Variants in WFS1 observed in about 807,000 individuals in gnomAD.
The protein encoded by WFS1 is wolframin ER transmembrane glycoprotein, also known as wolframin.
Under a neutral mutation model 68.5 loss-of-function variants are expected in WFS1, and 90 were observed. That is an observed-to-expected ratio of 1.31 (90% confidence interval 1.11 to 1.56). The LOEUF (loss-of-function observed/expected upper bound fraction) is 1.56, where lower values mean the gene tolerates loss of function less well. Ranked by LOEUF, WFS1 falls within the 40% of genes most tolerant of loss-of-function variation. The probability of loss-of-function intolerance (pLI) is 0.00; values close to 1 mark genes in which losing one functional copy is unlikely to be tolerated. For missense variants in WFS1, 1,767 were observed against 1,232.6 expected, an observed-to-expected ratio of 1.43 and a Z score of -6.49; for synonymous variants, 860 against 540.7, an observed-to-expected ratio of 1.59 and a Z score of -8.19.
chr4:6,285,366 A>G (rs998010795), intron 2 of WFS1, among the ~76,000 whole-genome samples: 1 of 144,532 alleles, frequency 6.9e-6, no homozygotes, highest in African/African-American at 2.6e-5. Context: ...GGAAAGCAGC[A>G]TCAAGGGAGA....
At chr4:6,275,070 G>C (rs1050378974) in intron 1 of WFS1, among the ~76,000 whole-genome samples, 1 of 152,156 alleles carries the variant, frequency 6.6e-6, no homozygotes. Context: ...GTCCATGCGA[G>C]GAACTCACGA....
chr4:6,287,226 C>T lies in WFS1; in HGVS notation c.315+51C>T. On this transcript the variant is annotated intron_variant, in intron 3 of 7. Transcript: ENST00000226760. The surrounding 1 kb of genome is among the most constrained non-coding windows in gnomAD (Gnocchi z 6.4). ...CTTCGGGACGCGGCCCCCGGCACAA[C>T]AGGCCTGGCCACGAGCTCCACAGCC... 6.8e-7 allele frequency: 1 copy of T among 1,479,574 alleles called. No individual in the cohort carries two copies. The highest frequency in any genetic ancestry group is 1.2e-5 in the South Asian group (1 of 82,600). The allele number at this position is 1,479,574 out of a possible 1,614,324, so 91.7% of individuals were successfully genotyped here.
At chr4:6,281,682 C>G (rs1239581508) in intron 2 of WFS1, among the ~76,000 whole-genome samples, 1 of 152,104 alleles carries the variant, frequency 6.6e-6, no homozygotes, top group African/African-American at 2.4e-5. Flanking sequence ...GACTGGGGCT[C>G]TGATGCAGAT....
intron 2 of WFS1, among the ~76,000 whole-genome samples, 179 bp from the exon 3 acceptor site, chr4:6,286,914 A>C (rs1730326289): frequency 6.6e-6 from 1 of 152,186 alleles, no homozygotes; most frequent in Admixed American, 6.5e-5. Context: ...ACCGGAAGGC[A>C]AACAGTGGCT....
chr4:6,293,590 G>A lies in WFS1; in HGVS notation c.713-1451G>A, dbSNP rs572291940. Among the ~76,000 whole-genome samples the A allele has an allele frequency of 2.0e-5, 3 of 152,306 alleles. No individual in the cohort carries two copies. The South Asian group carries it at 6.2e-4, about 32-fold the overall frequency. On this transcript the variant is annotated intron_variant, in intron 6 of 7. Coordinates refer to ENST00000226760, the MANE Select transcript of WFS1 (RefSeq NM_006005.3). Reference sequence around the variant, plus strand: ...TTGATCTGTCAGCAGCGTGGGCAGAGATGACTGCTCTTCTCCTTAGAGCCC... The same window carrying A: ...TTGATCTGTCAGCAGCGTGGGCAGAAATGACTGCTCTTCTCCTTAGAGCCC...
At chr4:6,290,451 G>A (rs948465396) in intron 4 of WFS1, among the ~76,000 whole-genome samples, 3 of 152,260 alleles carry the variant, frequency 2.0e-5, no homozygotes, top group Non-Finnish European at 4.4e-5. Flanking sequence ...GGCTGCTGGG[G>A]CAGAGCGTGC....
In WFS1 at chr4:6,302,399, C is replaced by A; in HGVS notation, c.2604C>A (p.Arg868=). ...ACGTGAAGATCGAGCACGACTGGCGCAGCACCGTGCATGGCGCCGTGAAGT... is the reference window on the plus strand; with the variant it reads ...ACGTGAAGATCGAGCACGACTGGCGAAGCACCGTGCATGGCGCCGTGAAGT... ...RRHVKIEHDW[R]STVHGAVKFA... The change falls in exon 8 of 8, where the codon CGC becomes CGA. Residue 868 remains arginine (R), a synonymous_variant. Transcript: ENST00000226760. 6.2e-7 allele frequency: 1 copy of A among 1,613,212 alleles called. No individual in the cohort carries two copies. Among genetic ancestry groups the A allele is most frequent in the Non-Finnish European group, 8.5e-7 (1 of 1,180,038 alleles).
In WFS1 at chr4:6,302,606, G is replaced by GCAA; in HGVS notation, c.*138_*139insCAA. The GCAA allele has an allele frequency of 7.7e-7, 1 of 1,295,198 alleles. No individual in the cohort carries two copies. Among genetic ancestry groups the GCAA allele is most frequent in the Non-Finnish European group, 1.1e-6 (1 of 943,404 alleles). 80.2% of individuals were successfully genotyped at this position (1,295,198 alleles called of 1,614,324 possible). On this transcript the variant is annotated 3_prime_UTR_variant, in exon 8 of 8. Coordinates refer to ENST00000226760, the MANE Select transcript of WFS1 (RefSeq NM_006005.3). ...GTGGCTGCAGAGACCTTGCGACCAT[G>GCAA]TGTAGATTGCGTGGACCCCGACAAA...
At position 6,277,515 on chromosome 4, in the gene WFS1, G is replaced by A; in HGVS notation, c.60G>A (p.Gln20=). ...GCCCACAGCCCCCGCCAGCACCGCA[G>A]CCCCAGGCGCGTTCCCGACTCAATG... The part of the protein sequence containing the change: ...PSCPQPPPAP[Q]PQARSRLNAT... The change falls in exon 2 of 8, where the codon CAG becomes CAA. Residue 20 remains glutamine, a synonymous_variant. Transcript: ENST00000226760. The A allele has an allele frequency of 6.3e-7, 1 of 1,582,872 alleles. No homozygotes were observed. The highest frequency in any genetic ancestry group is 8.6e-7 in the Non-Finnish European group (1 of 1,165,254).
At chr4:6,289,604 CT>C (rs1486511782) in intron 4 of WFS1, among the ~76,000 whole-genome samples, 2 of 152,166 alleles carry the variant, frequency 1.3e-5, no homozygotes, top group Non-Finnish European at 2.9e-5. Context: ...CAGGCTGACC[CT>C]TCATAGATAA....
chr4:6,284,419 G>T (rs1258051342), intron 2 of WFS1, among the ~76,000 whole-genome samples: 2 of 152,186 alleles, frequency 1.3e-5, no homozygotes, highest in East Asian at 3.8e-4. Context: ...ATATCGGGGA[G>T]ATGTCTTGAA....
At position 6,302,162 on chromosome 4, in the gene WFS1, C is replaced by T; in HGVS notation, c.2367C>T (p.Gly789=). 1 of 1,612,768 alleles carries T rather than the reference C, an allele frequency of 6.2e-7. No homozygotes were observed. The highest frequency in any genetic ancestry group is 8.5e-7 in the Non-Finnish European group (1 of 1,179,982). The change falls in exon 8 of 8, where the codon GGC becomes GGT. Residue 789 remains glycine, a synonymous_variant. Coordinates refer to ENST00000226760, the MANE Select transcript of WFS1 (RefSeq NM_006005.3). ...TGCCATTCAGCAGCGGCGCTGACGG[C>T]TCGCGCAGCCGCGAGGAGGACGACG... ...VGMPFSSGAD[G]SRSREEDDVT...
At chr4:6,298,829 C>T (rs1730730137) in intron 7 of WFS1, among the ~76,000 whole-genome samples, 1 of 152,240 alleles carries the variant, frequency 6.6e-6, no homozygotes, top group Non-Finnish European at 1.5e-5. Context: ...CACCTGGGAT[C>T]CCTCCTTGGC....
rs71532859 is a variant in WFS1 at position 6,301,620 on chromosome 4, C to T, written c.1825C>T (p.Leu609=). 1.4e-5 allele frequency: 22 copies of T among 1,614,016 alleles called. No homozygotes were observed. Among genetic ancestry groups the T allele is most frequent in the Middle Eastern group, 1.6e-4 (1 of 6,084 alleles). ...CGTGGCGGTCTGTAGTGTGCCCCTGCTGTTGCGCTGGTGGACCAAGGCCAG... is the reference window on the plus strand; with the variant it reads ...CGTGGCGGTCTGTAGTGTGCCCCTGTTGTTGCGCTGGTGGACCAAGGCCAG... ...VTVAVCSVPL[L]LRWWTKASFS... Residue 609 remains leucine (L), a synonymous_variant, in exon 8 of 8, where the codon CTG becomes TTG. Transcript: ENST00000226760.
At position 6,287,205 on chromosome 4, in the gene WFS1, G is replaced by A. The variant is rs371327583; in HGVS notation, c.315+30G>A. On this transcript the variant is annotated intron_variant, in intron 3 of 7. Coordinates refer to ENST00000226760, the MANE Select transcript of WFS1 (RefSeq NM_006005.3). The surrounding 1 kb of genome is among the most constrained non-coding windows in gnomAD (Gnocchi z 6.4). ...GGACTGCGGTGCCGGCAGGGACTTCGGGACGCGGCCCCCGGCACAACAGGC... is the reference window on the plus strand; with the variant it reads ...GGACTGCGGTGCCGGCAGGGACTTCAGGACGCGGCCCCCGGCACAACAGGC... 62 of 1,542,436 alleles carry A rather than the reference G, an allele frequency of 4.0e-5. No individual in the cohort carries two copies. In the African/African-American group the frequency reaches 6.6e-4, roughly 16 times the overall value.
Position 6,283,050 on chromosome 4 carries a change from C to T in WFS1, c.233-4043C>T, listed in dbSNP as rs996006460. Reference sequence around the variant, plus strand: ...GGCGGAGCCTGTGATAGACGATGGACGATGACCCAGGTTCCAGCAAGATAT... The same window carrying T: ...GGCGGAGCCTGTGATAGACGATGGATGATGACCCAGGTTCCAGCAAGATAT... On this transcript the variant is annotated intron_variant, in intron 2 of 7. Transcript: ENST00000226760. The surrounding 1 kb of genome is among the most constrained non-coding windows in gnomAD (Gnocchi z 5.0). Among the ~76,000 whole-genome samples the T allele has an allele frequency of 3.3e-5, 5 of 152,172 alleles. No homozygotes were observed. The highest frequency in any genetic ancestry group is 9.7e-5 in the African/African-American group (4 of 41,432).
At position 6,295,161 on chromosome 4, in the gene WFS1, G is replaced by T; in HGVS notation, c.833G>T (p.Ser278Ile). Residue 278 changes from serine to isoleucine, a missense_variant, in exon 7 of 8, where the codon AGC becomes ATC. Transcript: ENST00000226760. ...GATGATGACGAGCTGGCGGGGAAGA[G>T]CCCTGAGGACCTGCCACTGCGTCTG... Reference protein sequence around the residue: ...DEDDDELAGKSPEDLPLRLKV... With the variant: ...DEDDDELAGKIPEDLPLRLKV... 1 of 1,612,152 alleles carries T rather than the reference G, an allele frequency of 6.2e-7. No individual in the cohort carries two copies. Among genetic ancestry groups the T allele is most frequent in the Non-Finnish European group, 8.5e-7 (1 of 1,180,034 alleles).
intron 1 of WFS1, among the ~76,000 whole-genome samples, chr4:6,271,369 T>C (rs1729834252): frequency 6.6e-6 from 1 of 152,206 alleles, no homozygotes; most frequent in South Asian, 2.1e-4. Flanking sequence ...AGGGCGTCTC[T>C]GACTTAGGCC....
chr4:6,281,256 G>A (rs1241097710), intron 2 of WFS1, among the ~76,000 whole-genome samples: 3 of 152,146 alleles, frequency 2.0e-5, no homozygotes, highest in Non-Finnish European at 2.9e-5. Context: ...GCCTTCGGGT[G>A]TGGGGAAAGC....
Sources: allele counts gnomAD v4.1 joint callset (sites outside exome capture counted in the v4.1 genomes callset), GRCh38; gene constraint gnomAD v4.1.1; non-coding constraint Gnocchi (gnomAD v3.1); transcripts MANE v1.5; gene names NCBI Gene and HGNC (gene_info 2026-07-23, HGNC 2026-07-21).